Variants in FANCM observed in about 807,000 individuals in gnomAD.
FANCM encodes FA complementation group M, also known as Fanconi anemia group M protein.
In FANCM, 140 loss-of-function variants were observed where a neutral mutation model predicts 199.5. The observed-to-expected ratio is 0.70, with a 90% confidence interval of 0.61 to 0.81. The LOEUF is 0.81. Ranked by LOEUF, FANCM falls within the 30% of genes least tolerant of loss-of-function variation. The pLI, the probability that FANCM is intolerant of heterozygous loss-of-function variation, is 0.00. For synonymous variants in FANCM, 840 were observed against 836.8 expected (o/e 1.00, Z -0.07); for missense variants, 2,410 against 2,421.4 (o/e 1.00, Z 0.10).
chr14:45,143,316 G>A (rs149204320), intron 3 of FANCM, among the ~76,000 whole-genome samples: 16 of 151,862 alleles, frequency 1.1e-4, no homozygotes, highest in African/African-American at 3.4e-4. Flanking sequence ...ACAGGTGCCT[G>A]CCACCACACC....
intron 2 of FANCM, among the ~76,000 whole-genome samples, chr14:45,138,516 T>C (rs1885685490): frequency 6.6e-6 from 1 of 152,160 alleles, no homozygotes; most frequent in African/African-American, 2.4e-5. Flanking sequence ...TGTTAAAAAT[T>C]TCCATCTGAG....
At chr14:45,143,690 A>ATT (rs869298490) in intron 3 of FANCM, among the ~76,000 whole-genome samples, 1,299 of 123,926 alleles carry the variant, frequency 0.01, 63 homozygotes, top group African/African-American at 0.039. Context: ...TTGAGTAAGG[A>ATT]TTTTTTTTTT....
At chr14:45,158,241 A>G (rs894357902) in intron 8 of FANCM, among the ~76,000 whole-genome samples, 1 of 152,158 alleles carries the variant, frequency 6.6e-6, no homozygotes, top group Admixed American at 6.6e-5. Context: ...AGTATGCAAT[A>G]ATTAGCCAAT....
intron 18 of FANCM, among the ~76,000 whole-genome samples, chr14:45,187,315 A>G (rs1889464035): frequency 7.9e-6 from 1 of 126,026 alleles, no homozygotes; most frequent in South Asian, 3.2e-4. Context: ...TGCTAGCCAT[A>G]AAAAAAAACC....
At chr14:45,172,223 G>A (rs745904127) in intron 12 of FANCM, among the ~76,000 whole-genome samples, 18 of 152,080 alleles carry the variant, frequency 1.2e-4, no homozygotes, top group Admixed American at 7.9e-4. Context: ...TACCCTGTGG[G>A]TTGTCTGTTT....
chr14:45,170,547 A>AT, intron 11 of FANCM, 42 bp from the exon 12 acceptor site: 1 of 1,487,074 alleles, frequency 6.7e-7, no homozygotes, highest in African/African-American at 1.4e-5. Flanking sequence ...TGCTTTGCAG[A>AT]TTTTTAAAAA....
intron 16 of FANCM, among the ~76,000 whole-genome samples, chr14:45,183,038 G>A (rs991150245): frequency 6.6e-6 from 1 of 152,046 alleles, no homozygotes; most frequent in Admixed American, 6.6e-5. Context: ...TGGAGAGGTC[G>A]AAAAATCATT....
chr14:45,195,385 T>C (rs1889998167), intron 20 of FANCM: 2 of 374,586 alleles, frequency 5.3e-6, no homozygotes, highest in Admixed American at 3.0e-5. Context: ...CTACCAGATA[T>C]TAAGATTGAG....
At chr14:45,144,266 CTTAT>C (rs925522738) in intron 3 of FANCM, among the ~76,000 whole-genome samples, 6 of 151,990 alleles carry the variant, frequency 3.9e-5, no homozygotes, top group African/African-American at 1.5e-4. Flanking sequence ...AATATTAGAT[CTTAT>C]TTATTCTATT....
Position 45,183,878 on chromosome 14 carries a change from C to T in FANCM, c.4491C>T (p.Val1497=), listed in dbSNP as rs759470162. The T allele has an allele frequency of 1.9e-6, 3 of 1,610,910 alleles. No individual in the cohort carries two copies. Among genetic ancestry groups the T allele is most frequent in the Non-Finnish European group, 2.5e-6 (3 of 1,177,674 alleles). Residue 1497 remains valine, a synonymous_variant, in exon 17 of 23, where the codon GTC becomes GTT. Transcript: ENST00000267430. Reference sequence around the variant, plus strand: ...GGAATGCCAGAAGAGGCATCAAAGTCCCAAAGAGACAGAGTCACTTAAAGG... The same window carrying T: ...GGAATGCCAGAAGAGGCATCAAAGTTCCAAAGAGACAGAGTCACTTAAAGG... ...CNGNARRGIK[V]PKRQSHLKHV... is the part of the protein sequence containing the mutation.
intron 20 of FANCM, 33 bp from the exon 21 acceptor site, chr14:45,196,139 C>A: frequency 6.2e-7 from 1 of 1,613,152 alleles, no homozygotes; most frequent in Non-Finnish European, 8.5e-7. Flanking sequence ...ATGCATTTAA[C>A]CTGAATGTGA....
intron 4 of FANCM, among the ~76,000 whole-genome samples, chr14:45,149,210 AT>A (rs1886647133): frequency 1.3e-5 from 2 of 152,170 alleles, no homozygotes; most frequent in African/African-American, 4.8e-5. Context: ...AAGATGGGCC[AT>A]TTGTAAAGCA....
chr14:45,155,843 A>G (rs1460516763), intron 8 of FANCM, among the ~76,000 whole-genome samples: 1 of 152,020 alleles, frequency 6.6e-6, no homozygotes, highest in African/African-American at 2.4e-5. Flanking sequence ...CCTTCAACCT[A>G]TTAGTTTATT....
At position 45,142,969 on chromosome 14, in the gene FANCM, T is replaced by C. The variant is rs534508732; in HGVS notation, c.759+2260T>C. ...CTGTTTTAGCATCCAGTGGTGGTTC[T>C]TGGCTTGCAACAATTATTGTTGTGG... On this transcript the variant is annotated intron_variant, in intron 3 of 22. Transcript: ENST00000267430. Among the ~76,000 whole-genome samples, 31 of 152,206 alleles carry C rather than the reference T, an allele frequency of 2.0e-4. No homozygotes were observed. In the East Asian group the frequency reaches 5.8e-3, roughly 28 times the overall value.
rs182035775 is a variant in FANCM, at chr14:45,194,842, C to T, written c.5341-1330C>T. 5.5e-3 allele frequency among the ~76,000 whole-genome samples: 820 copies of T among 148,694 alleles called. 6 individuals carry two copies. The highest frequency in any genetic ancestry group is 0.019 in the African/African-American group (784 of 40,206). ...TTTTTTTTTTTTTGAGGCAGAGCCTCGCTCCGTAGCCCAGGCTGGAGTGCA... is the reference window on the plus strand; with the variant it reads ...TTTTTTTTTTTTTGAGGCAGAGCCTTGCTCCGTAGCCCAGGCTGGAGTGCA... On this transcript the variant is annotated intron_variant, in intron 20 of 22. Coordinates refer to ENST00000267430, the MANE Select transcript of FANCM (RefSeq NM_020937.4).
chr14:45,198,782 A>G lies in FANCM; in HGVS notation c.5855A>G (p.Glu1952Gly), dbSNP rs1594486115. ...TTGCTAAAGGAACTGTCTTTAGTGG[A>G]ACAAAGAAAGAATGTTGGTATTCAT... The part of the protein sequence containing the change: ...ADLLKELSLV[E>G]QRKNVGIHVP... Residue 1952 changes from glutamate to glycine, a missense_variant, in exon 22 of 23, where the codon GAA becomes GGA. Glu to Gly is a moderately conservative substitution (Grantham distance 98). Coordinates refer to ENST00000267430, the MANE Select transcript of FANCM (RefSeq NM_020937.4). The G allele has an allele frequency of 5.0e-6, 8 of 1,613,962 alleles. No homozygotes were observed. The highest frequency in any genetic ancestry group is 6.8e-6 in the Non-Finnish European group (8 of 1,179,978).
intron 20 of FANCM, among the ~76,000 whole-genome samples, chr14:45,194,828 T>G (rs1889969223): frequency 6.6e-6 from 1 of 151,962 alleles, no homozygotes. Context: ...TTTTTTTTTT[T>G]TGAGGCAGAG....
At chr14:45,136,620 G>A (rs1421102135) in intron 1 of FANCM, 81 bp downstream of exon 1, 2 of 1,316,994 alleles carry the variant, frequency 1.5e-6, no homozygotes, top group East Asian at 2.3e-5. Context: ...TACAACATGT[G>A]CATCTTACGC....
chr14:45,168,850 T>C (rs1888153378), intron 11 of FANCM, among the ~76,000 whole-genome samples: 1 of 148,548 alleles, frequency 6.7e-6, no homozygotes, highest in African/African-American at 2.4e-5. Context: ...TTATATATAG[T>C]GTATTTGTAG....
Sources: gnomAD v4.1 joint callset for allele counts (sites outside exome capture counted in the v4.1 genomes callset) on GRCh38, gnomAD v4.1.1 for gene constraint, MANE v1.5 for transcripts, NCBI Gene and HGNC (gene_info 2026-07-23, HGNC 2026-07-21) for gene names.